FSHR: variants seen among roughly 807,000 people sequenced by gnomAD.
The protein encoded by FSHR is follicle-stimulating hormone receptor.
A neutral mutation model predicts 52.1 loss-of-function variants in FSHR; 46 were observed. That is an observed-to-expected ratio of 0.88 (90% CI 0.70 to 1.13). The LOEUF (loss-of-function observed/expected upper bound fraction) is 1.13, where lower values mean the gene tolerates loss of function less well. Ranked by LOEUF, FSHR falls within the 50% of genes most tolerant of loss-of-function variation. The probability of loss-of-function intolerance (pLI) is 0.00; values close to 1 mark genes in which losing one functional copy is unlikely to be tolerated. For synonymous variants in FSHR, 399 were observed against 309.6 expected (o/e 1.29, Z -3.03); for missense variants, 964 against 834.6 (o/e 1.16, Z -1.91).
At chr2:48,990,678 G>T (rs367722560) in intron 4 of FSHR, 41 bp from the exon 5 acceptor site, 11 of 1,214,488 alleles carry the variant, frequency 9.1e-6, no homozygotes, top group African/African-American at 1.5e-5. Context: ...AATGAAACTG[G>T]CTGTTTAAAC....
intron 2 of FSHR, among the ~76,000 whole-genome samples, chr2:49,056,785 A>T (rs866388805): frequency 1.3e-5 from 2 of 152,246 alleles, no homozygotes; most frequent in Admixed American, 6.5e-5. Flanking sequence ...TCTCAAAAAA[A>T]TTTTAAAAAT....
chr2:49,079,013 T>G (rs1468777672), intron 1 of FSHR, among the ~76,000 whole-genome samples: 2 of 152,162 alleles, frequency 1.3e-5, no homozygotes, highest in African/African-American at 2.4e-5. Flanking sequence ...AAGCCTACTC[T>G]GTAACCAGTC....
intron 1 of FSHR, among the ~76,000 whole-genome samples, chr2:49,083,597 C>T (rs573477680): frequency 6.7e-6 from 1 of 148,674 alleles, no homozygotes; most frequent in Admixed American, 6.8e-5. Context: ...ATTCAGGAAA[C>T]CCATCTCACG....
At chr2:49,117,548 C>T (rs915083219) in intron 1 of FSHR, among the ~76,000 whole-genome samples, 8 of 152,100 alleles carry the variant, frequency 5.3e-5, no homozygotes, top group Admixed American at 6.6e-5. Flanking sequence ...ATAAGAGTTC[C>T]GAAGACTGGG....
intron 2 of FSHR, among the ~76,000 whole-genome samples, chr2:49,044,589 T>G: frequency 6.6e-6 from 1 of 152,170 alleles, no homozygotes; most frequent in East Asian, 1.9e-4. Flanking sequence ...CCATCAGGTG[T>G]GCAGAAATGC....
intron 2 of FSHR, among the ~76,000 whole-genome samples, chr2:49,031,729 C>T (rs1668109622): frequency 6.6e-6 from 1 of 152,176 alleles, no homozygotes; most frequent in Non-Finnish European, 1.5e-5. Context: ...TAAGCACTTA[C>T]TAGCTGGGTG....
chr2:49,053,277 A>T (rs1196184012), intron 2 of FSHR, among the ~76,000 whole-genome samples: 1 of 152,156 alleles, frequency 6.6e-6, no homozygotes, highest in Non-Finnish European at 1.5e-5. Context: ...CATATTCATC[A>T]TGCTCCTATT....
rs1415490382 is a variant in FSHR, at chr2:49,068,283, C to T, written c.160G>A (p.Val54Ile). ...TGGATGACTCGAAGCTTGGTGAGGA[C>T]AAACCTCCTGCAAAGAGAGTAGAAA... ...LPRNAIELRF[V>I]LTKLRVIQKG... Residue 54 changes from valine (V) to isoleucine (I), a missense_variant, in exon 2 of 10, where the codon GTC (valine) becomes ATC (isoleucine). Transcript: ENST00000406846. The T allele has an allele frequency of 3.7e-6, 6 of 1,611,322 alleles. No homozygotes were observed. The highest frequency in any genetic ancestry group is 4.2e-6 in the Non-Finnish European group (5 of 1,178,336).
chr2:48,989,179 G>T, intron 5 of FSHR, 125 bp from the exon 6 acceptor site: 2 of 665,558 alleles, frequency 3.0e-6, no homozygotes, highest in Non-Finnish European at 5.3e-6. Context: ...ACTAGTTGTT[G>T]TTTAGAAGAT....
chr2:49,106,296 G>A (rs956307202), intron 1 of FSHR, among the ~76,000 whole-genome samples: 3 of 152,154 alleles, frequency 2.0e-5, no homozygotes, highest in African/African-American at 4.8e-5. Flanking sequence ...CTATATCAGC[G>A]ATGTCTCTGG....
chr2:49,001,926 C>A (rs142845768), intron 4 of FSHR, among the ~76,000 whole-genome samples: 16 of 152,198 alleles, frequency 1.1e-4, no homozygotes, highest in African/African-American at 3.1e-4. Context: ...GCATACCTCA[C>A]TGTTTTAGAA....
At chr2:49,057,342 G>A (rs961579236) in intron 2 of FSHR, among the ~76,000 whole-genome samples, 3 of 151,924 alleles carry the variant, frequency 2.0e-5, no homozygotes, top group African/African-American at 4.8e-5. Flanking sequence ...AATGACAGTA[G>A]CAGTAGTAGT....
intron 8 of FSHR, among the ~76,000 whole-genome samples, chr2:48,970,871 G>T (rs1265545533): frequency 6.6e-6 from 1 of 152,090 alleles, no homozygotes; most frequent in Non-Finnish European, 1.5e-5. Context: ...TCCCTCATGG[G>T]ACATCAGTGT....
At chr2:48,990,840 A>G (rs1675738718) in intron 4 of FSHR, among the ~76,000 whole-genome samples, 1 of 152,158 alleles carries the variant, frequency 6.6e-6, no homozygotes, top group African/African-American at 2.4e-5. Context: ...TTCCTCAGAG[A>G]AAAGAAACTT....
At chr2:49,048,379 C>G (rs1668736795) in intron 2 of FSHR, among the ~76,000 whole-genome samples, 1 of 152,122 alleles carries the variant, frequency 6.6e-6, no homozygotes, top group Non-Finnish European at 1.5e-5. Flanking sequence ...CATCACCTGC[C>G]ATTATCATTC....
intron 4 of FSHR, among the ~76,000 whole-genome samples, chr2:49,008,112 G>A (rs1230034403): frequency 6.8e-6 from 1 of 148,068 alleles, no homozygotes; most frequent in Non-Finnish European, 1.5e-5. Flanking sequence ...GTGCCATGCT[G>A]GTGCACTGCA....
intron 2 of FSHR, among the ~76,000 whole-genome samples, chr2:49,034,163 T>A (rs1668198081): frequency 6.6e-6 from 1 of 152,208 alleles, no homozygotes; most frequent in African/African-American, 2.4e-5. Flanking sequence ...GTGATTGACT[T>A]TCTGCCTGCC....
At position 48,963,839 on chromosome 2, in the gene FSHR, T is replaced by C. The variant is rs1316489632; in HGVS notation, c.982A>G (p.Met328Val). The change falls in exon 10 of 10, where the codon ATG (methionine) becomes GTG (valine). Residue 328 changes from methionine to valine, a missense_variant. Coordinates refer to ENST00000406846, the MANE Select transcript of FSHR (RefSeq NM_000145.4). ...NESSYSRGFD[M>V]TYTEFDYDLC... The stretch of plus-strand genomic sequence containing the variant: ...TCATAGTCAAACTCAGTGTACGTCA[T>C]GTCAAATCCTCTGCTGTAGCTGGAC... 4.3e-6 allele frequency: 7 copies of C among 1,614,174 alleles called. No homozygotes were observed. Among genetic ancestry groups the C allele is most frequent in the South Asian group, 1.1e-5 (1 of 91,074 alleles).
chr2:49,064,302 C>T (rs1669424816), intron 2 of FSHR, among the ~76,000 whole-genome samples: 1 of 151,820 alleles, frequency 6.6e-6, no homozygotes, highest in Non-Finnish European at 1.5e-5. Context: ...TCCACTCCAA[C>T]ATTGGGAAAT....
Sources: gnomAD v4.1 joint callset for allele counts (sites outside exome capture counted in the v4.1 genomes callset) on GRCh38, gnomAD v4.1.1 for gene constraint, MANE v1.5 for transcripts, NCBI Gene and HGNC (gene_info 2026-07-23, HGNC 2026-07-21) for gene names.